Variants in GAS7 observed in about 807,000 individuals in gnomAD.
GAS7 encodes the protein growth arrest specific 7, also known as growth arrest-specific protein 7.
A neutral mutation model predicts 71.1 loss-of-function variants in GAS7; 28 were observed. That is an observed-to-expected ratio of 0.39 (90% CI 0.29 to 0.54). The LOEUF is 0.54. Ranked by LOEUF, GAS7 falls within the 20% of genes least tolerant of loss-of-function variation. The pLI is 0.62. For synonymous variants in GAS7, 258 were observed against 245.8 expected, an observed-to-expected ratio of 1.05 and a Z score of -0.46; for missense variants, 436 against 627.8, an observed-to-expected ratio of 0.69 and a Z score of 3.27.
chr17:10,101,016 C>G (rs62066664), intron 1 of GAS7, among the ~76,000 whole-genome samples: 39,050 of 152,068 alleles, frequency 0.26, 5,516 homozygotes, highest in Non-Finnish European at 0.32. Flanking sequence ...TGCCTGTAAT[C>G]CCAGCTACTC....
chr17:10,131,029 T>C (rs948824547), intron 1 of GAS7, among the ~76,000 whole-genome samples: 8 of 152,208 alleles, frequency 5.3e-5, no homozygotes, highest in Non-Finnish European at 8.8e-5. Flanking sequence ...ATAAAGCCGT[T>C]ATCAAAACAT....
intron 2 of GAS7, among the ~76,000 whole-genome samples, chr17:10,015,831 C>T (rs1597693210): frequency 6.6e-6 from 1 of 152,234 alleles, no homozygotes; most frequent in East Asian, 1.9e-4. Context: ...CTGCAGCTTC[C>T]TTCTCCAGGA....
chr17:10,186,212 C>T (rs1264082165), intron 1 of GAS7, among the ~76,000 whole-genome samples: 2 of 151,894 alleles, frequency 1.3e-5, no homozygotes, highest in Non-Finnish European at 2.9e-5. Flanking sequence ...CTGCCTCGGC[C>T]TCCCAAAGTG....
At chr17:9,934,723 A>G (rs142616975) in intron 8 of GAS7, among the ~76,000 whole-genome samples, 15 of 152,132 alleles carry the variant, frequency 9.9e-5, no homozygotes, top group African/African-American at 3.6e-4. Flanking sequence ...TCCAGGGAGA[A>G]GCTCTTTTCA....
chr17:10,134,283 G>A (rs370983690), intron 1 of GAS7, among the ~76,000 whole-genome samples: 5 of 152,048 alleles, frequency 3.3e-5, no homozygotes, highest in South Asian at 2.1e-4. Context: ...CGCCCGCCTC[G>A]GCCTCCCAAA....
intron 1 of GAS7, among the ~76,000 whole-genome samples, chr17:10,046,262 G>T (rs2072953614): frequency 6.6e-6 from 1 of 152,056 alleles, no homozygotes; most frequent in African/African-American, 2.4e-5. Flanking sequence ...GAGATGCAGG[G>T]GACTTCCCTG....
At chr17:10,118,266 G>T (rs1444881230) in intron 1 of GAS7, among the ~76,000 whole-genome samples, 3 of 152,198 alleles carry the variant, frequency 2.0e-5, no homozygotes, top group Non-Finnish European at 2.9e-5. Flanking sequence ...AGCGCATAAG[G>T]TGGGAAGGAA....
intron 11 of GAS7, among the ~76,000 whole-genome samples, chr17:9,920,917 T>C (rs2067782284): frequency 6.6e-6 from 1 of 152,192 alleles, no homozygotes; most frequent in African/African-American, 2.4e-5. Context: ...TCATAGGTAC[T>C]CTGATAGGAA....
At chr17:9,921,453 C>A (rs532836102) in intron 11 of GAS7, among the ~76,000 whole-genome samples, 1 of 152,200 alleles carries the variant, frequency 6.6e-6, no homozygotes, top group African/African-American at 2.4e-5. Context: ...CCTGCCTGGC[C>A]GAGGAGGAGG....
intron 1 of GAS7, among the ~76,000 whole-genome samples, chr17:10,185,114 C>T (rs1022918806): frequency 5.9e-5 from 9 of 152,032 alleles, no homozygotes; most frequent in South Asian, 2.1e-4. Flanking sequence ...TTAGTAGAGA[C>T]GGGGTTTTGT....
intron 1 of GAS7, among the ~76,000 whole-genome samples, chr17:10,107,624 G>T (rs1441818922): frequency 2.0e-5 from 3 of 149,714 alleles, no homozygotes; most frequent in Admixed American, 2.0e-4. Context: ...ACAGTCCAGT[G>T]GGGGGCTGGG....
chr17:10,107,104 G>A (rs1401167345), intron 1 of GAS7, among the ~76,000 whole-genome samples: 1 of 152,222 alleles, frequency 6.6e-6, no homozygotes, highest in Non-Finnish European at 1.5e-5. Flanking sequence ...AGAAGGACCA[G>A]CCCTGCCGAC....
rs762300342 is a variant in GAS7, at chr17:9,946,999, CAAGA to C, written c.526-20_526-17del. 1.8e-5 allele frequency: 29 copies of C among 1,584,604 alleles called. No homozygotes were observed. In the East Asian group the frequency reaches 6.0e-4, roughly 33 times the overall value. Reference sequence around the variant, plus strand: ...CACAGTTTATCTGTAGGGCACAGAACAAGAAAGAATGACCCCGCTGGAGACTGGA... The same window carrying C: ...CACAGTTTATCTGTAGGGCACAGAACAAGAATGACCCCGCTGGAGACTGGA... On this transcript the variant is annotated splice_polypyrimidine_tract_variant and intron_variant, in intron 5 of 13. Transcript: ENST00000432992.
intron 3 of GAS7, among the ~76,000 whole-genome samples, chr17:9,972,851 T>C (rs1244723096): frequency 6.6e-6 from 1 of 152,128 alleles, no homozygotes; most frequent in Admixed American, 6.5e-5. Context: ...TTTAAAACTG[T>C]AATTACACAA....
intron 1 of GAS7, among the ~76,000 whole-genome samples, chr17:10,180,442 C>G (rs1265522673): frequency 6.6e-6 from 1 of 151,972 alleles, no homozygotes; most frequent in Non-Finnish European, 1.5e-5. Flanking sequence ...CTCTAAACAC[C>G]ACGCTCATCA....
At chr17:10,145,258 A>G (rs536674295) in intron 1 of GAS7, among the ~76,000 whole-genome samples, 1 of 152,374 alleles carries the variant, frequency 6.6e-6, no homozygotes, top group Admixed American at 6.5e-5. Flanking sequence ...TCAAGTGCAC[A>G]TCAAAAGGAA....
Position 10,198,230 on chromosome 17 carries a change from G to A in GAS7, c.161C>T (p.Ala54Val). ...KEDGLRGWFPASYVQLLEKPG... is the reference protein window; with the variant it reads ...KEDGLRGWFPVSYVQLLEKPG... ...TACCTCCAGCAACTGCACGTAGCTC[G>A]CCGGGAACCAGCCACGGAGCCCGTC... Residue 54 changes from alanine (A) to valine (V), a missense_variant, in exon 1 of 14, where the codon GCG (alanine) becomes GTG (valine). Transcript: ENST00000432992. 2 of 1,607,902 alleles carry A rather than the reference G, an allele frequency of 1.2e-6. No individual in the cohort carries two copies. The highest frequency in any genetic ancestry group is 8.5e-7 in the Non-Finnish European group (1 of 1,179,440).
intron 1 of GAS7, among the ~76,000 whole-genome samples, chr17:10,121,706 T>C (rs1239322649): frequency 2.6e-5 from 4 of 152,204 alleles, no homozygotes; most frequent in Non-Finnish European, 1.5e-5. Context: ...TGTTCACCTG[T>C]GGGTTGAGGA....
intron 2 of GAS7, among the ~76,000 whole-genome samples, chr17:10,000,675 T>C (rs1451744771): frequency 2.0e-5 from 3 of 152,240 alleles, no homozygotes; most frequent in Non-Finnish European, 2.9e-5. Context: ...AGTTCTGCGT[T>C]TGCACACCTT....
Sources: allele counts gnomAD v4.1 joint callset (sites outside exome capture counted in the v4.1 genomes callset), GRCh38; gene constraint gnomAD v4.1.1; transcripts MANE v1.5; gene names NCBI Gene and HGNC (gene_info 2026-07-23, HGNC 2026-07-21).